EYS: variants seen among roughly 807,000 people sequenced by gnomAD.
The protein encoded by EYS is protein eyes shut homolog.
In EYS, 250 loss-of-function variants were observed where a neutral mutation model predicts 282.1. That is an observed-to-expected ratio of 0.89 (90% confidence interval 0.80 to 0.98). EYS has a LOEUF of 0.98. Among genes scored for constraint, EYS ranks in the 50% least tolerant of loss-of-function variants. The pLI is 0.00. For missense variants in EYS, 4,016 were observed against 3,709.0 expected (o/e 1.08, Z -2.15); for synonymous variants, 1,355 against 1,282.9 (o/e 1.06, Z -1.20).
rs149352333 is a variant in EYS at position 65,317,776 on chromosome 6, C to T, written c.1766+17204G>A. 4.9e-3 allele frequency among the ~76,000 whole-genome samples: 334 copies of T among 67,690 alleles called. 33 individuals are homozygous for T. The highest frequency in any genetic ancestry group is 0.01 in the Middle Eastern group (1 of 98). 44.4% of individuals were successfully genotyped at this position (67,690 alleles called of 152,430 possible). A position where few individuals can be genotyped will look rare whatever the true frequency, so the allele number is the denominator to read the frequency against. ...AGCTCTTGGCTGGAGGCTACATTTT[C>T]TCTTCCTTCCTTCCTTCCTTCCTTC... On this transcript the variant is annotated intron_variant, in intron 11 of 42. Transcript: ENST00000503581.
intron 36 of EYS, among the ~76,000 whole-genome samples, chr6:63,855,021 C>T (rs1200511148): frequency 3.3e-5 from 5 of 152,192 alleles, no homozygotes; most frequent in Non-Finnish European, 1.5e-5. Context: ...CTCTGGGAAC[C>T]ATTAGACTGG....
intron 29 of EYS, among the ~76,000 whole-genome samples, chr6:64,378,614 C>A (rs556299329): frequency 1.3e-5 from 2 of 152,082 alleles, no homozygotes; most frequent in African/African-American, 4.8e-5. Flanking sequence ...GTTAAATGTG[C>A]AATATCTTAA....
At chr6:65,321,277 A>G (rs1769468792) in intron 11 of EYS, among the ~76,000 whole-genome samples, 1 of 152,122 alleles carries the variant, frequency 6.6e-6, no homozygotes, top group African/African-American at 2.4e-5. Flanking sequence ...AAAATATAAA[A>G]CAGACTGGGA....
intron 22 of EYS, among the ~76,000 whole-genome samples, chr6:64,642,895 G>A (rs6929490): frequency 0.015 from 2,240 of 152,244 alleles, 50 homozygotes; most frequent in African/African-American, 0.052. Flanking sequence ...GCGGACAGAT[G>A]ACCTGAGGTC....
intron 5 of EYS, among the ~76,000 whole-genome samples, chr6:65,480,454 AT>A (rs1284518848): frequency 6.6e-6 from 1 of 152,108 alleles, no homozygotes; most frequent in African/African-American, 2.4e-5. Context: ...TATTATATTG[AT>A]TTTAGATCAA....
intron 5 of EYS, among the ~76,000 whole-genome samples, chr6:65,461,025 G>T (rs1173522028): frequency 1.3e-5 from 2 of 151,946 alleles, no homozygotes; most frequent in Non-Finnish European, 2.9e-5. Flanking sequence ...TCCAAGTTTG[G>T]TTTATCCAGA....
At chr6:64,754,097 C>G (rs959185823) in intron 22 of EYS, among the ~76,000 whole-genome samples, 1 of 151,946 alleles carries the variant, frequency 6.6e-6, no homozygotes, top group Non-Finnish European at 1.5e-5. Context: ...TGGGATACAG[C>G]AAAAACAGTG....
intron 26 of EYS, among the ~76,000 whole-genome samples, chr6:64,491,121 C>G (rs550003520): frequency 3.3e-5 from 5 of 150,924 alleles, no homozygotes; most frequent in African/African-American, 1.2e-4. Context: ...AGAAGAATAT[C>G]ATCCAATATG....
intron 7 of EYS, among the ~76,000 whole-genome samples, chr6:65,387,537 T>G (rs1269383210): frequency 4.0e-5 from 6 of 151,882 alleles, no homozygotes; most frequent in Non-Finnish European, 8.8e-5. Context: ...TATTACTGTA[T>G]TAAAATAATA....
Position 65,395,227 on chromosome 6 carries a change from C to T in EYS, c.1184+7251G>A, listed in dbSNP as rs1256190009. 3.9e-4 allele frequency among the ~76,000 whole-genome samples: 60 copies of T among 152,106 alleles called. 3 individuals carry two copies. The highest frequency in any genetic ancestry group is 3.9e-3 in the Admixed American group (60 of 15,260). ...TAAAGGCATGCGCCACCATGCCCGG[C>T]TAATTTTGTATTTTTAGTAGAGATG... On this transcript the variant is annotated intron_variant, in intron 7 of 42. Transcript: ENST00000503581.
chr6:65,445,211 C>T (rs1256870192), intron 5 of EYS, among the ~76,000 whole-genome samples: 1 of 151,754 alleles, frequency 6.6e-6, no homozygotes, highest in Non-Finnish European at 1.5e-5. Flanking sequence ...TTCATCAATC[C>T]ACCATGATTG....
At chr6:65,623,405 A>G (rs1766590171) in intron 2 of EYS, among the ~76,000 whole-genome samples, 1 of 152,200 alleles carries the variant, frequency 6.6e-6, no homozygotes, top group Non-Finnish European at 1.5e-5. Context: ...ACTACATTAA[A>G]ATTTAATGCA....
chr6:64,896,613 G>T (rs114565940), intron 18 of EYS, among the ~76,000 whole-genome samples: 291 of 149,984 alleles, frequency 1.9e-3, no homozygotes, highest in African/African-American at 6.8e-3. Flanking sequence ...CCTTCACTCC[G>T]ATGGAAAGGG....
chr6:64,660,454 T>A (rs1768962577), intron 22 of EYS, among the ~76,000 whole-genome samples: 1 of 152,008 alleles, frequency 6.6e-6, no homozygotes, highest in Non-Finnish European at 1.5e-5. Flanking sequence ...ATTGTCCCTG[T>A]TTGCAGATGA....
intron 26 of EYS, among the ~76,000 whole-genome samples, chr6:64,515,135 GTAAAC>G (rs1424023153): frequency 6.6e-6 from 1 of 151,624 alleles, no homozygotes; most frequent in Non-Finnish European, 1.5e-5. Context: ...GCAAATTTGT[GTAAAC>G]TAGTGATTAG....
intron 22 of EYS, among the ~76,000 whole-genome samples, chr6:64,739,873 A>G (rs796160294): frequency 5.3e-5 from 8 of 152,252 alleles, no homozygotes; most frequent in African/African-American, 1.2e-4. Flanking sequence ...AAACAATACT[A>G]TTATTAGGAA....
chr6:64,703,427 A>ATTTTTTTTTTTTTT (rs1488123469), intron 22 of EYS, among the ~76,000 whole-genome samples: 2 of 28,418 alleles, frequency 7.0e-5, no homozygotes, highest in Non-Finnish European at 7.7e-5. Flanking sequence ...ATATATATAT[A>ATTTTTTTTTTTTTT]TATTTTTTTT....
At chr6:64,356,164 C>A (rs1316646300) in intron 29 of EYS, among the ~76,000 whole-genome samples, 2 of 151,312 alleles carry the variant, frequency 1.3e-5, no homozygotes, top group African/African-American at 4.8e-5. Context: ...TGTATTCCAT[C>A]GCACTTGGTG....
At chr6:65,320,664 C>G (rs1376271018) in intron 11 of EYS, among the ~76,000 whole-genome samples, 1 of 152,190 alleles carries the variant, frequency 6.6e-6, no homozygotes, top group Admixed American at 6.5e-5. Context: ...GACATGTTGT[C>G]CTTCTGCCAG....
Sources: gnomAD v4.1 joint callset for allele counts (sites outside exome capture counted in the v4.1 genomes callset) on GRCh38, gnomAD v4.1.1 for gene constraint, MANE v1.5 for transcripts, NCBI Gene and HGNC (gene_info 2026-07-23, HGNC 2026-07-21) for gene names.